Variants in PPP1R16B observed in about 807,000 individuals in gnomAD.
PPP1R16B encodes the protein protein phosphatase 1 regulatory inhibitor subunit 16B.
Under a neutral mutation model 61.7 loss-of-function variants are expected in PPP1R16B, and 14 were observed. The ratio of observed to expected loss-of-function variants is 0.23; its 90% CI spans 0.15 to 0.35. PPP1R16B has a LOEUF of 0.35. Ranked by LOEUF, PPP1R16B falls within the 10% of genes least tolerant of loss-of-function variation. The pLI is 1.00. For synonymous variants in PPP1R16B, 266 were observed against 305.3 expected (o/e 0.87, Z 1.34); for missense variants, 547 against 752.5 (o/e 0.73, Z 3.19).
chr20:38,869,948 C>T (rs552642541), intron 2 of PPP1R16B, among the ~76,000 whole-genome samples: 27 of 151,242 alleles, frequency 1.8e-4, no homozygotes, highest in Non-Finnish European at 2.9e-4. Context: ...TTTTAAGACA[C>T]GGTCTCTCTC....
chr20:38,833,924 C>T (rs534332411), intron 1 of PPP1R16B, among the ~76,000 whole-genome samples: 4 of 152,208 alleles, frequency 2.6e-5, no homozygotes, highest in African/African-American at 4.8e-5. Flanking sequence ...GGGCGGGTGA[C>T]GCAGGCGACC....
At chr20:38,916,752 T>C (rs942620963) in intron 10 of PPP1R16B, among the ~76,000 whole-genome samples, 1 of 152,278 alleles carries the variant, frequency 6.6e-6, no homozygotes, top group African/African-American at 2.4e-5. Flanking sequence ...AAACTGTCCA[T>C]CAAAGAGACT....
chr20:38,846,850 A>T (rs1203819567), intron 2 of PPP1R16B, among the ~76,000 whole-genome samples: 2 of 152,046 alleles, frequency 1.3e-5, no homozygotes, highest in Non-Finnish European at 1.5e-5. Context: ...CACGAAATTT[A>T]AAAAATTATC....
At chr20:38,823,920 A>T (rs554318508) in intron 1 of PPP1R16B, among the ~76,000 whole-genome samples, 4 of 147,910 alleles carry the variant, frequency 2.7e-5, no homozygotes, top group African/African-American at 9.9e-5. Context: ...CCTGTCTGAC[A>T]TTTTTTTTTT....
intron 1 of PPP1R16B, among the ~76,000 whole-genome samples, chr20:38,815,986 T>G (rs1196724939): frequency 6.6e-6 from 1 of 152,184 alleles, no homozygotes; most frequent in African/African-American, 2.4e-5. Flanking sequence ...CTATATTCAT[T>G]AATATCACAA....
intron 1 of PPP1R16B, among the ~76,000 whole-genome samples, chr20:38,810,150 C>G (rs542064572): frequency 3.3e-5 from 5 of 152,308 alleles, no homozygotes; most frequent in Admixed American, 2.6e-4. Context: ...CCTTCAGTGA[C>G]AGTTTTCCAG....
At chr20:38,852,997 C>T (rs2084979908) in intron 2 of PPP1R16B, among the ~76,000 whole-genome samples, 1 of 152,048 alleles carries the variant, frequency 6.6e-6, no homozygotes, top group African/African-American at 2.4e-5. Context: ...GTCTCAAACT[C>T]CTGACCTCAG....
At chr20:38,836,478 A>G (rs1009768000) in intron 2 of PPP1R16B, among the ~76,000 whole-genome samples, 1 of 152,038 alleles carries the variant, frequency 6.6e-6, no homozygotes, top group African/African-American at 2.4e-5. Flanking sequence ...CAGCTTCCCT[A>G]GTAGCTGGGA....
intron 6 of PPP1R16B, among the ~76,000 whole-genome samples, chr20:38,905,096 A>G (rs1043357382): frequency 1.3e-5 from 2 of 152,186 alleles, no homozygotes; most frequent in Non-Finnish European, 2.9e-5. Flanking sequence ...CATTGGATGT[A>G]TTATCTATTG....
At chr20:38,908,367 T>G (rs1428233406) in intron 10 of PPP1R16B, among the ~76,000 whole-genome samples, 174 bp downstream of exon 10, 1 of 152,228 alleles carries the variant, frequency 6.6e-6, no homozygotes, top group Middle Eastern at 3.2e-3. Context: ...ACCAGCAGAT[T>G]CAGTCTGATG....
At chr20:38,905,302 G>C (rs1473252285) in intron 6 of PPP1R16B, among the ~76,000 whole-genome samples, 1 of 152,116 alleles carries the variant, frequency 6.6e-6, no homozygotes, top group Non-Finnish European at 1.5e-5. Flanking sequence ...CTGAAGGCTT[G>C]ACTGGTACTG....
At chr20:38,826,083 C>T (rs537807023) in intron 1 of PPP1R16B, among the ~76,000 whole-genome samples, 8 of 152,166 alleles carry the variant, frequency 5.3e-5, no homozygotes, top group African/African-American at 9.7e-5. Flanking sequence ...CCCCAGCCTA[C>T]CCGATGTGAA....
intron 2 of PPP1R16B, among the ~76,000 whole-genome samples, chr20:38,865,949 C>A (rs1176177189): frequency 1.3e-5 from 2 of 151,968 alleles, no homozygotes; most frequent in Admixed American, 1.3e-4. Context: ...CATGGTGAAA[C>A]CCTGTCTCTA....
chr20:38,824,440 G>T (rs1430601948), intron 1 of PPP1R16B, among the ~76,000 whole-genome samples: 1 of 152,218 alleles, frequency 6.6e-6, no homozygotes, highest in East Asian at 1.9e-4. Flanking sequence ...ATCTGTTAAA[G>T]ATGGTTATGG....
intron 10 of PPP1R16B, among the ~76,000 whole-genome samples, chr20:38,908,493 T>C (rs949986189): frequency 1.3e-5 from 2 of 152,238 alleles, no homozygotes; most frequent in African/African-American, 4.8e-5. Context: ...GCTATGCGCC[T>C]AGCTGTGCTC....
chr20:38,821,205 G>A (rs2084771562), intron 1 of PPP1R16B, among the ~76,000 whole-genome samples: 1 of 152,182 alleles, frequency 6.6e-6, no homozygotes, highest in Non-Finnish European at 1.5e-5. Context: ...GGAAAGAGAT[G>A]TTGTAATGGT....
chr20:38,836,257 CGT>C (rs1163254104), intron 2 of PPP1R16B, 82 bp downstream of exon 2: 33 of 1,528,744 alleles, frequency 2.2e-5, no homozygotes, highest in African/African-American at 2.7e-5. Flanking sequence ...GTGCAGTAGA[CGT>C]GTGGGCAAGG....
intron 2 of PPP1R16B, among the ~76,000 whole-genome samples, chr20:38,880,021 T>G (rs1192789789): frequency 6.6e-6 from 1 of 152,112 alleles, no homozygotes. Context: ...CAAGAACAGA[T>G]GTTCTGGCTG....
chr20:38,852,703 C>T (rs2084976943), intron 2 of PPP1R16B, among the ~76,000 whole-genome samples: 1 of 136,050 alleles, frequency 7.4e-6, no homozygotes, highest in Non-Finnish European at 1.5e-5. Flanking sequence ...TGAGGCATTG[C>T]TAGCATGATT....
Sources: allele counts gnomAD v4.1 joint callset (sites outside exome capture counted in the v4.1 genomes callset), GRCh38; gene constraint gnomAD v4.1.1; transcripts MANE v1.5; gene names NCBI Gene and HGNC (gene_info 2026-07-23, HGNC 2026-07-21).